SYNE2: variants seen among roughly 807,000 people sequenced by gnomAD.
SYNE2 encodes the protein spectrin repeat containing nuclear envelope protein 2, also known as nesprin-2.
A neutral mutation model predicts 856.3 loss-of-function variants in SYNE2; 431 were observed. The observed-to-expected ratio is 0.50, with a 90% confidence interval of 0.47 to 0.55. The LOEUF is 0.55. Among genes scored for constraint, SYNE2 ranks in the 20% least tolerant of loss-of-function variants. The pLI is 0.00. For missense variants in SYNE2, 8,129 were observed against 8,023.2 expected (o/e 1.01, Z -0.50); for synonymous variants, 2,923 against 2,872.3 (o/e 1.02, Z -0.56).
At chr14:64,122,588 C>G (rs775678496) in intron 70 of SYNE2, 161 bp downstream of exon 70, 21 of 896,508 alleles carry the variant, frequency 2.3e-5, no homozygotes, top group South Asian at 5.9e-5. Context: ...CATTAGGAAC[C>G]CTTCCTTTGT....
intron 64 of SYNE2, among the ~76,000 whole-genome samples, chr14:64,104,988 T>A (rs1393015478): frequency 6.6e-6 from 1 of 152,200 alleles, no homozygotes; most frequent in Non-Finnish European, 1.5e-5. Flanking sequence ...CTGCTGTTGG[T>A]GCCACTATTT....
At chr14:64,074,282 A>C in intron 53 of SYNE2, 146 bp downstream of exon 53, 1 of 812,150 alleles carries the variant, frequency 1.2e-6, no homozygotes, top group Middle Eastern at 2.2e-4. Context: ...GCCCTGTGGC[A>C]TGGTATGGGC....
At chr14:63,951,342 G>A (rs1317572722) in intron 7 of SYNE2, among the ~76,000 whole-genome samples, 7 of 151,656 alleles carry the variant, frequency 4.6e-5, no homozygotes, top group East Asian at 1.9e-4. Flanking sequence ...CGCTCTTGTC[G>A]CCCAGGCTGG....
At chr14:64,130,495 A>G (rs1434595696) in intron 76 of SYNE2, among the ~76,000 whole-genome samples, 1 of 152,128 alleles carries the variant, frequency 6.6e-6, no homozygotes, top group Non-Finnish European at 1.5e-5. Flanking sequence ...GAGAAGATAG[A>G]TATTTATCAA....
chr14:63,773,162 T>TATTG (rs34771452), intron 1 of SYNE2, among the ~76,000 whole-genome samples: 2 of 151,918 alleles, frequency 1.3e-5, no homozygotes, highest in African/African-American at 4.8e-5. Context: ...AACTCCATTT[T>TATTG]GTTATTATAA....
chr14:63,960,761 C>T (rs761982037), intron 8 of SYNE2: 12 of 764,062 alleles, frequency 1.6e-5, no homozygotes, highest in Non-Finnish European at 2.9e-5. Context: ...CTGCACTTTA[C>T]AGAATTTATA....
Position 64,212,859 on chromosome 14 carries a change from A to T in SYNE2, c.18910A>T (p.Ile6304Phe), listed in dbSNP as rs773839519. The change falls in exon 105 of 116, where the codon ATT (isoleucine) becomes TTT (phenylalanine). Residue 6304 changes from isoleucine (I) to phenylalanine (F), a missense_variant. Physicochemically the swap from Ile to Phe is conservative, Grantham distance 21. Transcript: ENST00000555002. ...AAATACCAACAAGATTGATCAGCTC[A>T]TTGTGTTTGGGGAGCAGCTGATTCA... ...TLNTNKIDQL[I>F]VFGEQLIQKS... 6.2e-7 allele frequency: 1 copy of T among 1,614,036 alleles called. No homozygotes were observed. The highest frequency in any genetic ancestry group is 1.1e-5 in the South Asian group (1 of 91,078).
chr14:64,100,514 C>CA (rs35489245), intron 63 of SYNE2, among the ~76,000 whole-genome samples: 266 of 23,736 alleles, frequency 0.011, 12 homozygotes, highest in Middle Eastern at 0.031. Context: ...AAAACTGTCT[C>CA]AAAAAAAAAA....
intron 64 of SYNE2, among the ~76,000 whole-genome samples, chr14:64,106,103 C>T (rs1423118926): frequency 2.0e-5 from 3 of 149,600 alleles, no homozygotes; most frequent in African/African-American, 7.5e-5. Flanking sequence ...CAATATTTCT[C>T]CTAGGTATAC....
intron 64 of SYNE2, among the ~76,000 whole-genome samples, chr14:64,106,274 G>A (rs1311913400): frequency 6.6e-6 from 1 of 151,818 alleles, no homozygotes; most frequent in African/African-American, 2.4e-5. Flanking sequence ...CTCTTCTTTT[G>A]CGACTTGCTT....
chr14:64,209,129 C>A (rs1456689877), intron 101 of SYNE2, 184 bp downstream of exon 101: 1 of 916,084 alleles, frequency 1.1e-6, no homozygotes, highest in East Asian at 2.6e-5. Flanking sequence ...AATGTCTCTC[C>A]CCAGCTGTCC....
At chr14:63,976,911 T>A (rs544607199) in intron 12 of SYNE2, among the ~76,000 whole-genome samples, 184 bp downstream of exon 12, 1 of 151,900 alleles carries the variant, frequency 6.6e-6, no homozygotes, top group Non-Finnish European at 1.5e-5. Context: ...ATTGTGTTAG[T>A]TTAAGATTGA....
rs905535534 is a variant in SYNE2, at chr14:64,052,174, T to C, written c.8261T>C (p.Ile2754Thr). 9 of 1,614,188 alleles carry C rather than the reference T, an allele frequency of 5.6e-6. No homozygotes were observed. Among genetic ancestry groups the C allele is most frequent in the Non-Finnish European group, 6.8e-6 (8 of 1,180,020 alleles). ...KNLLGELNPS[I>T]PLLPDDILSQ... ...TTGTTGGGTGAACTTAATCCCTCCATTCCCCTTCTCCCAGATGACATTCTT... is the reference window on the plus strand; with the variant it reads ...TTGTTGGGTGAACTTAATCCCTCCACTCCCCTTCTCCCAGATGACATTCTT... Residue 2754 changes from isoleucine to threonine, a missense_variant, in exon 48 of 116, where the codon ATT becomes ACT. This residue lies in a region of SYNE2 where 5,410 missense variants were observed against 5,284.8 expected (regional missense o/e 1.02). Transcript: ENST00000555002.
intron 87 of SYNE2, 89 bp from the exon 88 acceptor site, chr14:64,161,983 A>G (rs896222747): frequency 1.4e-6 from 2 of 1,411,410 alleles, no homozygotes; most frequent in Admixed American, 1.8e-5. Context: ...TCCATCTGCT[A>G]GTAACTTACC....
chr14:63,775,789 G>T (rs1887087397), intron 1 of SYNE2, among the ~76,000 whole-genome samples: 1 of 152,070 alleles, frequency 6.6e-6, no homozygotes, highest in African/African-American at 2.4e-5. Flanking sequence ...TAGACATGGG[G>T]TCCCACTATG....
In SYNE2 at chr14:64,027,762, A is replaced by G. The variant is rs2096992252; in HGVS notation, c.6683A>G (p.His2228Arg). 6.2e-7 allele frequency: 1 copy of G among 1,614,142 alleles called. No individual in the cohort carries two copies. The highest frequency in any genetic ancestry group is 8.5e-7 in the Non-Finnish European group (1 of 1,180,004). The change falls in exon 43 of 116, where the codon CAT (histidine) becomes CGT (arginine). Residue 2228 changes from histidine to arginine, a missense_variant. Physicochemically the swap from His to Arg is conservative, Grantham distance 29. Around this residue, in one of 3 missense-constraint regions of SYNE2, gnomAD observed 297 missense variants for 380.9 expected, o/e 0.78. Coordinates refer to ENST00000555002, the MANE Select transcript of SYNE2 (RefSeq NM_182914.3). ...FSEEPWLEIK[H>R]LHESLLQQLQ... ...GAAGAGCCTTGGCTGGAAATAAAGC[A>G]TCTACACGAAAGTCTTCTTCAACAA...
At chr14:63,771,090 G>A (rs1406780550) in intron 1 of SYNE2, among the ~76,000 whole-genome samples, 1 of 102,936 alleles carries the variant, frequency 9.7e-6, no homozygotes, top group Non-Finnish European at 1.9e-5. Flanking sequence ...TTTTTTTTGA[G>A]ACGGAGTCTC....
At position 63,978,864 on chromosome 14, in the gene SYNE2, T is replaced by G; in HGVS notation, c.1419T>G (p.Ile473Met). ...LEEMKRRINN[I>M]LEKKFILLLE... ...CACTGTTTTCCAGAATCAACAACAT[T>G]TTGGAGAAAAAATTTATTCTACTTC... The change falls in exon 14 of 116, where the codon ATT (isoleucine) becomes ATG (methionine). Residue 473 changes from isoleucine (I) to methionine (M), a missense_variant. Physicochemically the swap from Ile to Met is conservative, Grantham distance 10 (BLOSUM62 1). This residue lies in a region of SYNE2 where 2,422 missense variants were observed against 2,357.4 expected (regional missense o/e 1.03). Coordinates refer to ENST00000555002, the MANE Select transcript of SYNE2 (RefSeq NM_182914.3). 6.2e-7 allele frequency: 1 copy of G among 1,612,810 alleles called. No individual in the cohort carries two copies. Among genetic ancestry groups the G allele is most frequent in the Non-Finnish European group, 8.5e-7 (1 of 1,179,230 alleles).
At chr14:63,907,588 T>G (rs1017720783) in intron 1 of SYNE2, among the ~76,000 whole-genome samples, 12 of 152,204 alleles carry the variant, frequency 7.9e-5, no homozygotes, top group African/African-American at 2.7e-4. Context: ...TTATCCTTTT[T>G]TTTTTTAAAT....
Sources: allele counts gnomAD v4.1 joint callset (sites outside exome capture counted in the v4.1 genomes callset), GRCh38; gene constraint gnomAD v4.1.1; regional missense constraint gnomAD v4.1.1; transcripts MANE v1.5; gene names NCBI Gene and HGNC (gene_info 2026-07-23, HGNC 2026-07-21).